PKHD1L1: variants seen among roughly 807,000 people sequenced by gnomAD.
PKHD1L1 encodes the protein fibrocystin-L.
A neutral mutation model predicts 462.9 loss-of-function variants in PKHD1L1; 434 were observed. The observed-to-expected ratio is 0.94, with a 90% confidence interval of 0.87 to 1.02. The LOEUF (loss-of-function observed/expected upper bound fraction) is 1.02, where lower values mean the gene tolerates loss of function less well. Ranked by LOEUF, PKHD1L1 falls within the 50% of genes least tolerant of loss-of-function variation. PKHD1L1 has a pLI of 0.00. For synonymous variants in PKHD1L1, 1,781 were observed against 1,750.0 expected, an observed-to-expected ratio of 1.02 and a Z score of -0.44; for missense variants, 5,202 against 5,096.1, an observed-to-expected ratio of 1.02 and a Z score of -0.63.
chr8:109,438,957 C>T lies in PKHD1L1; in HGVS notation c.3821C>T (p.Ala1274Val), dbSNP rs202179223. ...NFGNELTQNMAVYVGGKTCQI... is the reference protein window; with the variant it reads ...NFGNELTQNMVVYVGGKTCQI... The stretch of plus-strand genomic sequence containing the variant: ...GGAAATGAACTCACACAAAACATGG[C>T]GGTGTATGTTGGAGGAAAAACCTGC... Residue 1274 changes from alanine (A) to valine (V), a missense_variant, in exon 32 of 78, where the codon GCG becomes GTG. Ala to Val is a moderately conservative substitution (Grantham distance 64, BLOSUM62 0). Transcript: ENST00000378402. 3.0e-5 allele frequency: 48 copies of T among 1,613,330 alleles called. No individual in the cohort carries two copies. In the East Asian group the frequency reaches 4.9e-4, roughly 16 times the overall value.
At chr8:109,399,428 A>AAG (rs1388380106) in intron 12 of PKHD1L1, among the ~76,000 whole-genome samples, 7 of 152,092 alleles carry the variant, frequency 4.6e-5, no homozygotes, top group Non-Finnish European at 8.8e-5. Context: ...GAAAAAAAAA[A>AAG]GAGAGATGGC....
At position 109,459,608 on chromosome 8, in the gene PKHD1L1, G is replaced by C. The variant is rs368669085; in HGVS notation, c.7018G>C (p.Glu2340Gln). The C allele has an allele frequency of 6.4e-6, 10 of 1,561,068 alleles. No individual in the cohort carries two copies. The African/African-American group carries it at 1.2e-4, about 19-fold the overall frequency. ...AAATTTTTACAGACACAGTCAAGGA[G>C]AGAATGAAAAAATGACCATTGCATC... ...ASTGHRHSQG[E>Q]NEKMTIASVS... Residue 2340 changes from glutamate to glutamine, a missense_variant, in exon 47 of 78, where the codon GAG (glutamate) becomes CAG (glutamine). By Grantham distance (29) the Glu-to-Gln change is conservative. Transcript: ENST00000378402.
rs546815289 is a variant in PKHD1L1, at chr8:109,373,015, CTCATAAAATA to C, written c.164-8354_164-8345del. Among the ~76,000 whole-genome samples, 1,448 of 152,256 alleles carry C rather than the reference CTCATAAAATA, an allele frequency of 9.5e-3. 20 individuals carry two copies. Among genetic ancestry groups the C allele is most frequent in the African/African-American group, 0.033 (1,366 of 41,538 alleles). On this transcript the variant is annotated intron_variant, in intron 2 of 77. Coordinates refer to ENST00000378402, the MANE Select transcript of PKHD1L1 (RefSeq NM_177531.6). ...GCTTTGGTATCAGGATGATGCTGGC[CTCATAAAATA>C]AGTTAGGGATGATTCCCTCTTTTTC...
At position 109,498,563 on chromosome 8, in the gene PKHD1L1, A is replaced by C. The variant is rs759776789; in HGVS notation, c.10701A>C (p.Arg3567Ser). The change falls in exon 66 of 78, where the codon AGA becomes AGC. Residue 3567 changes from arginine to serine, a missense_variant. Coordinates refer to ENST00000378402, the MANE Select transcript of PKHD1L1 (RefSeq NM_177531.6). Reference protein sequence around the residue: ...IELTAAHRSPRSPSGGRSGIC... With the variant: ...IELTAAHRSPSSPSGGRSGIC... ...TCACTGCTGCTCATCGGAGTCCTAGATCTCCATCAGGTGAAAAATTTGAAA... is the reference window on the plus strand; with the variant it reads ...TCACTGCTGCTCATCGGAGTCCTAGCTCTCCATCAGGTGAAAAATTTGAAA... The C allele has an allele frequency of 6.2e-7, 1 of 1,612,226 alleles. No homozygotes were observed. Among genetic ancestry groups the C allele is most frequent in the South Asian group, 1.1e-5 (1 of 91,068 alleles).
intron 23 of PKHD1L1, among the ~76,000 whole-genome samples, chr8:109,423,974 A>G (rs1450550636): frequency 1.3e-5 from 2 of 152,166 alleles, no homozygotes; most frequent in Non-Finnish European, 2.9e-5. Context: ...TAGAAATGTA[A>G]TTGATTTTTG....
In PKHD1L1 at chr8:109,483,036, A is replaced by T; in HGVS notation, c.9507A>T (p.Lys3169Asn). The T allele has an allele frequency of 6.2e-7, 1 of 1,601,722 alleles. No individual in the cohort carries two copies. The highest frequency in any genetic ancestry group is 8.5e-7 in the Non-Finnish European group (1 of 1,174,092). The change falls in exon 57 of 78, where the codon AAA becomes AAT. Residue 3169 changes from lysine (K) to asparagine (N), a missense_variant. Transcript: ENST00000378402. ...ATGGAATTCCACATTCAATATATAAAACTAAGCTCTCAGAAACTGCATTTG... is the reference window on the plus strand; with the variant it reads ...ATGGAATTCCACATTCAATATATAATACTAAGCTCTCAGAAACTGCATTTG... ...DLHGIPHSIY[K>N]TKLSETAFAG... is the part of the protein sequence containing the mutation.
intron 19 of PKHD1L1, 54 bp downstream of exon 19, chr8:109,410,032 G>A (rs1813756225): frequency 1.0e-6 from 1 of 980,100 alleles, no homozygotes; most frequent in Non-Finnish European, 1.5e-6. Flanking sequence ...TTATATAATG[G>A]TTTTAAATTT....
chr8:109,450,971 A>T lies in PKHD1L1; in HGVS notation c.6176-4A>T. The stretch of plus-strand genomic sequence containing the variant: ...CTGCATTCAGTCTGATCTTCCTTTC[A>T]TAGGCACGGGAGCTGAGCAAGCCTG... On this transcript the variant is annotated splice_region_variant and splice_polypyrimidine_tract_variant and intron_variant, in intron 40 of 77. Coordinates refer to ENST00000378402, the MANE Select transcript of PKHD1L1 (RefSeq NM_177531.6). 3 of 1,589,154 alleles carry T rather than the reference A, an allele frequency of 1.9e-6. No homozygotes were observed. The highest frequency in any genetic ancestry group is 3.4e-5 in the Admixed American group (2 of 58,898).
rs567005903 is a variant in PKHD1L1 at position 109,378,077 on chromosome 8, C to A, written c.164-3293C>A. 2.0e-5 allele frequency among the ~76,000 whole-genome samples: 3 copies of A among 152,280 alleles called. No homozygotes were observed. In the South Asian group the frequency reaches 6.2e-4, roughly 32 times the overall value. ...AAGTAAAAGAAAAATCATCAGCCTTCCCCTTGCTCCACACACCTTTCTAGC... is the reference window on the plus strand; with the variant it reads ...AAGTAAAAGAAAAATCATCAGCCTTACCCTTGCTCCACACACCTTTCTAGC... On this transcript the variant is annotated intron_variant, in intron 2 of 77. Coordinates refer to ENST00000378402, the MANE Select transcript of PKHD1L1 (RefSeq NM_177531.6).
At chr8:109,443,966 T>C in intron 37 of PKHD1L1, 64 bp downstream of exon 37, 1 of 1,353,230 alleles carries the variant, frequency 7.4e-7, no homozygotes, top group Non-Finnish European at 1.0e-6. Context: ...ATTTTGACGA[T>C]AACCTTGTTA....
At chr8:109,503,215 G>C (rs1819515985) in intron 67 of PKHD1L1, among the ~76,000 whole-genome samples, 1 of 152,006 alleles carries the variant, frequency 6.6e-6, no homozygotes, top group Non-Finnish European at 1.5e-5. Flanking sequence ...GGCTGAGGCA[G>C]AATTGCTTGA....
In PKHD1L1 at chr8:109,449,393, A is replaced by G; in HGVS notation, c.6081A>G (p.Gln2027=). ...MTVTGTGFNP[Q]NSIILVCGSE... is the part of the protein sequence containing the mutation. Reference sequence around the variant, plus strand: ...TGACAGGCACCGGATTTAATCCACAAAATTCAATTATATTAGTTTGTGGCT... The same window carrying G: ...TGACAGGCACCGGATTTAATCCACAGAATTCAATTATATTAGTTTGTGGCT... The change falls in exon 40 of 78, where the codon CAA becomes CAG. Residue 2027 remains glutamine (Q), a synonymous_variant. Transcript: ENST00000378402. 6.3e-7 allele frequency: 1 copy of G among 1,588,728 alleles called. No homozygotes were observed. Among genetic ancestry groups the G allele is most frequent in the Admixed American group, 1.8e-5 (1 of 56,526 alleles).
chr8:109,511,556 G>A (rs990551385), intron 71 of PKHD1L1, among the ~76,000 whole-genome samples: 4 of 151,618 alleles, frequency 2.6e-5, no homozygotes, highest in Non-Finnish European at 4.4e-5. Flanking sequence ...AGTATTCCAC[G>A]GTGTATATGT....
chr8:109,419,054 A>T (rs756665125), intron 21 of PKHD1L1, 43 bp from the exon 22 acceptor site: 68 of 1,508,976 alleles, frequency 4.5e-5, no homozygotes, highest in Non-Finnish European at 6.0e-5. Context: ...TTGCTTAAAC[A>T]TTACCACTGA....
chr8:109,426,348 A>G (rs1418650654), intron 24 of PKHD1L1, among the ~76,000 whole-genome samples: 1 of 152,046 alleles, frequency 6.6e-6, no homozygotes, highest in Non-Finnish European at 1.5e-5. Context: ...TAATATCAAA[A>G]TGAATTGATA....
At chr8:109,514,491 G>C (rs909690995) in intron 71 of PKHD1L1, among the ~76,000 whole-genome samples, 1 of 152,110 alleles carries the variant, frequency 6.6e-6, no homozygotes, top group Admixed American at 6.6e-5. Flanking sequence ...AATTAGAAGA[G>C]AATATTTTAC....
chr8:109,390,306 A>T (rs1586413954), intron 8 of PKHD1L1, 146 bp from the exon 9 acceptor site: 6 of 435,568 alleles, frequency 1.4e-5, no homozygotes. Context: ...TTCAATTTTT[A>T]TTTCTTTGAT....
At chr8:109,516,207 C>T (rs1472647460) in intron 72 of PKHD1L1, among the ~76,000 whole-genome samples, 1 of 152,004 alleles carries the variant, frequency 6.6e-6, no homozygotes, top group Non-Finnish European at 1.5e-5. Flanking sequence ...AGTAATTTGC[C>T]AAGATAGTGG....
rs116239342 is a variant in PKHD1L1 at position 109,399,122 on chromosome 8, C to T, written c.1012+574C>T. Reference sequence around the variant, plus strand: ...TCGCACCGTGAATGTTGTTTATAATCGTGTCATTGTTTCACATTTGAAGCC... The same window carrying T: ...TCGCACCGTGAATGTTGTTTATAATTGTGTCATTGTTTCACATTTGAAGCC... On this transcript the variant is annotated intron_variant, in intron 12 of 77. Coordinates refer to ENST00000378402, the MANE Select transcript of PKHD1L1 (RefSeq NM_177531.6). 2.2e-3 allele frequency among the ~76,000 whole-genome samples: 339 copies of T among 152,144 alleles called. 2 individuals carry two copies. Among genetic ancestry groups the T allele is most frequent in the African/African-American group, 7.5e-3 (313 of 41,530 alleles).
Sources: allele counts gnomAD v4.1 joint callset (sites outside exome capture counted in the v4.1 genomes callset), GRCh38; gene constraint gnomAD v4.1.1; transcripts MANE v1.5; gene names NCBI Gene and HGNC (gene_info 2026-07-23, HGNC 2026-07-21).